Variants in NHSL3 observed in about 807,000 individuals in gnomAD.
NHSL3 encodes the protein NHS like 3, also known as NHS-like protein 3.
At chr1:32,757,449 G>C in the NHSL3 span, among the ~76,000 whole-genome samples, 2 of 151,914 alleles carry the variant, frequency 1.3e-5, no homozygotes, top group Non-Finnish European at 2.9e-5. Context: ...ACAGGGTGGG[G>C]GTTGTGGGAG....
chr1:32,761,119 C>T, the NHSL3 span, among the ~76,000 whole-genome samples: 5 of 152,146 alleles, frequency 3.3e-5, no homozygotes, highest in Non-Finnish European at 5.9e-5. Context: ...GTATGGGATG[C>T]TTCCCTCATG....
chr1:32,765,785 G>T, the NHSL3 span: 1 of 1,547,808 alleles, frequency 6.5e-7, no homozygotes. Flanking sequence ...GGTGTTCGTT[G>T]GCCGCCGCCT....
the NHSL3 span, chr1:32,770,378 C>T: frequency 6.2e-6 from 10 of 1,608,742 alleles, no homozygotes; most frequent in Non-Finnish European, 7.6e-6. The surrounding 1 kb of genome is among the most constrained non-coding windows in gnomAD (Gnocchi z 8.3). Flanking sequence ...TCCTCCGTCT[C>T]CAGCCCACAG....
At chr1:32,772,882 G>T in the NHSL3 span, 2 of 1,614,070 alleles carry the variant, frequency 1.2e-6, no homozygotes, top group East Asian at 2.2e-5. Context: ...GAAAGAGCTG[G>T]CCTGACCACC....
chr1:32,756,439 G>GT, the NHSL3 span, among the ~76,000 whole-genome samples: 2 of 132,846 alleles, frequency 1.5e-5, no homozygotes, highest in African/African-American at 5.6e-5. Flanking sequence ...GAGCCCAGGA[G>GT]TTTGAGAGTA....
chr1:32,768,319 C>T, the NHSL3 span, among the ~76,000 whole-genome samples: 2 of 152,064 alleles, frequency 1.3e-5, no homozygotes, highest in African/African-American at 4.8e-5. Context: ...GGAGGCTGGG[C>T]GAGGTGGCTT....
At chr1:32,754,005 C>T in the NHSL3 span, 1 of 448,104 alleles carries the variant, frequency 2.2e-6, no homozygotes, top group Non-Finnish European at 4.0e-6. Context: ...CCGCGAGTCT[C>T]GCTGCCTCCC....
chr1:32,754,332 GAC>G, the NHSL3 span, among the ~76,000 whole-genome samples: 1 of 151,962 alleles, frequency 6.6e-6, no homozygotes, highest in African/African-American at 2.4e-5. Context: ...GGCACACGGA[GAC>G]ACACGTACAC....
the NHSL3 span, chr1:32,768,644 CCT>C: frequency 6.2e-7 from 1 of 1,614,022 alleles, no homozygotes; most frequent in Non-Finnish European, 8.5e-7. Context: ...CTCCTTCTAC[CCT>C]GATAGTCCTC....
At chr1:32,770,854 G>T in the NHSL3 span, 3 of 1,608,202 alleles carry the variant, frequency 1.9e-6, no homozygotes, top group African/African-American at 4.0e-5. The surrounding 1 kb of genome is among the most constrained non-coding windows in gnomAD (Gnocchi z 8.3). Context: ...CAACAGCTGG[G>T]TACCTGGCTT....
the NHSL3 span, among the ~76,000 whole-genome samples, chr1:32,764,652 A>T: frequency 1.3e-5 from 2 of 152,198 alleles, no homozygotes; most frequent in African/African-American, 4.8e-5. Context: ...TTTTAATTTT[A>T]GTAGAGACAG....
chr1:32,766,407 T>C, the NHSL3 span, among the ~76,000 whole-genome samples: 1 of 152,160 alleles, frequency 6.6e-6, no homozygotes, highest in Non-Finnish European at 1.5e-5. Flanking sequence ...GAGTCCCCTC[T>C]GGGAACCTGG....
At chr1:32,754,150 C>T in the NHSL3 span, 2 of 710,048 alleles carry the variant, frequency 2.8e-6, no homozygotes, top group Admixed American at 2.0e-5. Context: ...CAGCTTCTGG[C>T]GGTTCGGGCG....
chr1:32,752,952 T>TACAC, the NHSL3 span, among the ~76,000 whole-genome samples: 216 of 3,100 alleles, frequency 0.07, 8 homozygotes, highest in African/African-American at 0.099. Flanking sequence ...CACACACACA[T>TACAC]ATATATATAT....
the NHSL3 span, chr1:32,767,872 C>T: frequency 1.5e-5 from 25 of 1,613,944 alleles, no homozygotes; most frequent in Middle Eastern, 3.3e-4. Context: ...ACCAGGACAA[C>T]GTCTTCTTTC....
the NHSL3 span, among the ~76,000 whole-genome samples, chr1:32,764,816 G>A: frequency 2.6e-4 from 40 of 152,324 alleles, no homozygotes; most frequent in Middle Eastern, 3.4e-3. Flanking sequence ...ATCGTGACTT[G>A]TGTGATGGAG....
chr1:32,758,324 A>G, the NHSL3 span, among the ~76,000 whole-genome samples: 2 of 151,848 alleles, frequency 1.3e-5, no homozygotes, highest in African/African-American at 2.4e-5. Flanking sequence ...TTCTGGTTGG[A>G]TTTATTGTTC....
At chr1:32,768,278 G>C in the NHSL3 span, among the ~76,000 whole-genome samples, 1 of 152,124 alleles carries the variant, frequency 6.6e-6, no homozygotes, top group African/African-American at 2.4e-5. Context: ...AGGTGATGCT[G>C]GAGGGGATCT....
the NHSL3 span, among the ~76,000 whole-genome samples, chr1:32,745,557 CAA>C: frequency 9.9e-3 from 906 of 91,392 alleles, 5 homozygotes; most frequent in African/African-American, 0.023. Flanking sequence ...GACTAGGTCT[CAA>C]AAAAAAAAAA....
Sources: gnomAD v4.1 joint callset for allele counts (sites outside exome capture counted in the v4.1 genomes callset) on GRCh38, gnomAD v4.1.1 for gene constraint, Gnocchi (gnomAD v3.1) non-coding constraint, MANE v1.5 for transcripts, NCBI Gene and HGNC (gene_info 2026-07-23, HGNC 2026-07-21) for gene names.